EML1: variants seen among roughly 807,000 people sequenced by gnomAD.
EML1 encodes the protein EMAP like 1, also known as echinoderm microtubule-associated protein-like 1.
EML1 carries 27 observed loss-of-function variants against 110.4 expected under a neutral mutation model. The ratio of observed to expected loss-of-function variants is 0.24; its 90% confidence interval spans 0.18 to 0.34. EML1 has a LOEUF of 0.34. Ranked by LOEUF, EML1 falls within the 10% of genes least tolerant of loss-of-function variation. The pLI is 1.00. For missense variants in EML1, 741 were observed against 1,030.9 expected (o/e 0.72, Z 3.85); for synonymous variants, 344 against 385.8 (o/e 0.89, Z 1.27).
At chr14:99,907,326 G>C (rs2059867609) in intron 9 of EML1, 1 of 296,142 alleles carries the variant, frequency 3.4e-6, no homozygotes. Context: ...AGAGTAGCTG[G>C]GAGTGGTGGT....
chr14:99,885,991 A>G (rs1829423509), intron 4 of EML1: 1 of 425,286 alleles, frequency 2.4e-6, no homozygotes, highest in South Asian at 1.7e-5. Context: ...ATTGGTTGGA[A>G]ATGTCTATGA....
intron 1 of EML1, among the ~76,000 whole-genome samples, chr14:99,796,490 CT>C (rs60618425): frequency 0.15 from 20,453 of 136,726 alleles, 1,381 homozygotes; most frequent in East Asian, 0.35. Flanking sequence ...AAATCACAAG[CT>C]TTTTTTTTTT....
At chr14:99,883,922 C>T (rs1478025481) in intron 4 of EML1, among the ~76,000 whole-genome samples, 2 of 152,198 alleles carry the variant, frequency 1.3e-5, no homozygotes, top group African/African-American at 4.8e-5. Context: ...AAGCATTAGT[C>T]GAATGAATCT....
intron 1 of EML1, among the ~76,000 whole-genome samples, chr14:99,798,832 CT>C (rs1304583397): frequency 7.4e-5 from 11 of 149,124 alleles, no homozygotes; most frequent in Non-Finnish European, 7.5e-5. Flanking sequence ...ATTTAATTAC[CT>C]TTTTTTTTTG....
upstream of EML1, chr14:99,792,753 C>A (rs2057690977): frequency 6.6e-6 from 1 of 152,294 alleles, no homozygotes; most frequent in Admixed American, 6.5e-5. Flanking sequence ...CCTCTCTGGC[C>A]CAGTGTGAGC....
chr14:99,928,310 A>G (rs1323966541), intron 17 of EML1, among the ~76,000 whole-genome samples: 2 of 149,838 alleles, frequency 1.3e-5, no homozygotes, highest in African/African-American at 4.9e-5. Flanking sequence ...CCTGTCTGTT[A>G]TATTAGGTGG....
chr14:99,864,805 C>CAA (rs67480916), intron 2 of EML1, among the ~76,000 whole-genome samples: 3,672 of 98,918 alleles, frequency 0.037, 210 homozygotes, highest in African/African-American at 0.13. Context: ...AACTCTGTCT[C>CAA]AAAAAAAAAA....
intron 1 of EML1, among the ~76,000 whole-genome samples, chr14:99,806,223 G>A (rs1489565083): frequency 6.6e-6 from 1 of 151,762 alleles, no homozygotes; most frequent in African/African-American, 2.4e-5. Flanking sequence ...CTGTCAGAAC[G>A]CCTGAAGATG....
intron 1 of EML1, among the ~76,000 whole-genome samples, chr14:99,785,826 T>C (rs1267584186): frequency 1.3e-5 from 2 of 152,046 alleles, no homozygotes; most frequent in African/African-American, 2.4e-5. Context: ...AACGAACGGT[T>C]GGGGTGATTT....
intron 1 of EML1, among the ~76,000 whole-genome samples, chr14:99,814,688 G>T (rs1157202863): frequency 6.6e-6 from 1 of 152,186 alleles, no homozygotes; most frequent in East Asian, 1.9e-4. Flanking sequence ...GCAGTTAGAG[G>T]CTTGTCTCAT....
In EML1 at chr14:99,785,345, G is replaced by A. The variant is rs994510727; in HGVS notation, c.-27+11332G>A. Among the ~76,000 whole-genome samples, 10 of 152,168 alleles carry A rather than the reference G, an allele frequency of 6.6e-5. 1 individual carries two copies. The East Asian group carries it at 1.2e-3, about 18-fold the overall frequency. The stretch of plus-strand genomic sequence containing the variant: ...GTTGGGATTACAGGCGTTAGCCACC[G>A]CGCCCAGCCTCCTTTTTCTCTAATA... On this transcript the variant is annotated intron_variant, in intron 1 of 22. Transcript: ENST00000327921.
At chr14:99,915,535 A>C (rs1056162310) in intron 15 of EML1, 27 of 151,658 alleles carry the variant, frequency 1.8e-4, no homozygotes, top group African/African-American at 6.3e-4. Flanking sequence ...GACTGTTTGC[A>C]TGCCAAGCAC....
rs1288889807 is a variant in EML1 at position 99,827,687 on chromosome 14, G to A, written c.68-23166G>A. Among the ~76,000 whole-genome samples the A allele has an allele frequency of 6.6e-6, 1 of 152,216 alleles. No homozygotes were observed. The highest frequency in any genetic ancestry group is 1.9e-4 in the East Asian group (1 of 5,174). On this transcript the variant is annotated intron_variant, in intron 1 of 21. Transcript: ENST00000262233. This position sits in a 1 kb window ranked among gnomAD's most constrained non-coding sequence, Gnocchi z 4.4. Reference sequence around the variant, plus strand: ...AGAGGGGGCAACCACCTGAAAGGGAGAAGACGGCCAGCGAGAGAGGCCTCA... The same window carrying A: ...AGAGGGGGCAACCACCTGAAAGGGAAAAGACGGCCAGCGAGAGAGGCCTCA...
intron 1 of EML1, among the ~76,000 whole-genome samples, chr14:99,765,173 T>G (rs908156738): frequency 2.0e-5 from 3 of 152,092 alleles, no homozygotes; most frequent in Non-Finnish European, 4.4e-5. Context: ...ATTCCTGGGC[T>G]CAAGTAATCC....
intron 1 of EML1, among the ~76,000 whole-genome samples, chr14:99,798,538 G>A (rs764382284): frequency 1.3e-5 from 2 of 152,010 alleles, no homozygotes; most frequent in African/African-American, 2.4e-5. Context: ...AATTACAGGC[G>A]TGTGCCACCA....
chr14:99,919,359 A>G (rs1013418566), intron 16 of EML1, among the ~76,000 whole-genome samples: 1 of 151,666 alleles, frequency 6.6e-6, no homozygotes, highest in African/African-American at 2.4e-5. Flanking sequence ...ATTGGGCTCC[A>G]TGTAGCCAAC....
At position 99,911,528 on chromosome 14, in the gene EML1, A is replaced by C. The variant is rs2059946354; in HGVS notation, c.1446A>C (p.Arg482=). ...GTLVSGGGKD[R]KLISWSGNYQ... is the part of the protein sequence containing the mutation. Reference sequence around the variant, plus strand: ...TGGTGTCGGGAGGTGGGAAAGACCGAAAGCTCATTTCTTGGAGCGGAAACT... The same window carrying C: ...TGGTGTCGGGAGGTGGGAAAGACCGCAAGCTCATTTCTTGGAGCGGAAACT... Residue 482 remains arginine, a synonymous_variant, in exon 13 of 22, where the codon CGA becomes CGC. Transcript: ENST00000262233. 1 of 1,612,858 alleles carries C rather than the reference A, an allele frequency of 6.2e-7. No homozygotes were observed. Among genetic ancestry groups the C allele is most frequent in the Non-Finnish European group, 8.5e-7 (1 of 1,179,764 alleles).
chr14:99,817,753 C>T (rs1468287778), intron 1 of EML1, among the ~76,000 whole-genome samples: 1 of 152,188 alleles, frequency 6.6e-6, no homozygotes, highest in South Asian at 2.1e-4. Flanking sequence ...ATGAACGGCA[C>T]AGTCCCTGAC....
rs561260103 is a variant in EML1, at chr14:99,800,868, G to A, written c.67+7325G>A. 1.4e-4 allele frequency among the ~76,000 whole-genome samples: 21 copies of A among 152,326 alleles called. No individual in the cohort carries two copies. The East Asian group carries it at 3.7e-3, about 27-fold the overall frequency. On this transcript the variant is annotated intron_variant, in intron 1 of 21. Coordinates refer to ENST00000262233, the MANE Select transcript of EML1 (RefSeq NM_004434.3). Reference sequence around the variant, plus strand: ...TAATAAACCATCCCCACAGTGTAGGGGCAGGTTCGACCTATAGACTTGGGT... The same window carrying A: ...TAATAAACCATCCCCACAGTGTAGGAGCAGGTTCGACCTATAGACTTGGGT...
Sources: allele counts gnomAD v4.1 joint callset (sites outside exome capture counted in the v4.1 genomes callset), GRCh38; gene constraint gnomAD v4.1.1; non-coding constraint Gnocchi (gnomAD v3.1); transcripts MANE v1.5; gene names NCBI Gene and HGNC (gene_info 2026-07-23, HGNC 2026-07-21).